TRAPPC9: variants seen among roughly 807,000 people sequenced by gnomAD.
TRAPPC9 encodes IKK2 binding protein.
A neutral mutation model predicts 124.0 loss-of-function variants in TRAPPC9; 83 were observed. That is an observed-to-expected ratio of 0.67 (90% CI 0.56 to 0.80). The LOEUF (loss-of-function observed/expected upper bound fraction) is 0.80, where lower values mean the gene tolerates loss of function less well. Ranked by LOEUF, TRAPPC9 falls within the 30% of genes least tolerant of loss-of-function variation. The probability of loss-of-function intolerance (pLI) is 0.00; values close to 1 mark genes in which losing one functional copy is unlikely to be tolerated. For missense variants in TRAPPC9, 1,302 were observed against 1,508.3 expected (o/e 0.86, Z 2.27); for synonymous variants, 638 against 617.5 (o/e 1.03, Z -0.49).
chr8:139,991,763 T>C (rs1266996164), intron 18 of TRAPPC9, among the ~76,000 whole-genome samples: 1 of 152,120 alleles, frequency 6.6e-6, no homozygotes, highest in Non-Finnish European at 1.5e-5. Flanking sequence ...TTTGGGAATC[T>C]GTAGTCAGGT....
chr8:139,930,269 T>C (rs76351584), intron 19 of TRAPPC9, among the ~76,000 whole-genome samples: 335 of 152,258 alleles, frequency 2.2e-3, no homozygotes, highest in African/African-American at 7.8e-3. Context: ...GGAAGGCTTA[T>C]AGTGTGGGGC....
intron 17 of TRAPPC9, among the ~76,000 whole-genome samples, chr8:140,165,638 G>T (rs369366020): frequency 1.4e-5 from 2 of 139,134 alleles, no homozygotes; most frequent in African/African-American, 5.5e-5. Flanking sequence ...CAAAGGGGAG[G>T]GGGGGATGCG....
intron 11 of TRAPPC9, among the ~76,000 whole-genome samples, chr8:140,294,660 T>G (rs1332299736): frequency 6.6e-6 from 1 of 151,812 alleles, no homozygotes; most frequent in Non-Finnish European, 1.5e-5. Flanking sequence ...CAGGTTGGAG[T>G]GCAGTGGTGT....
intron 17 of TRAPPC9, among the ~76,000 whole-genome samples, chr8:140,049,583 C>T (rs1310802153): frequency 6.6e-6 from 1 of 151,770 alleles, no homozygotes. Flanking sequence ...CCCTGGCAAC[C>T]AGGGAAGTGA....
intron 9 of TRAPPC9, among the ~76,000 whole-genome samples, chr8:140,359,383 G>C (rs1272983665): frequency 6.6e-6 from 1 of 152,174 alleles, no homozygotes; most frequent in Admixed American, 6.5e-5. Flanking sequence ...AGGGAAACAG[G>C]TCATGACTAA....
chr8:139,841,794 A>C (rs551377138), intron 21 of TRAPPC9, among the ~76,000 whole-genome samples: 1 of 152,336 alleles, frequency 6.6e-6, no homozygotes, highest in East Asian at 1.9e-4. Context: ...AGCCCCCTAA[A>C]GCACCCCAAG....
chr8:140,085,769 G>A (rs1049633287), intron 17 of TRAPPC9, among the ~76,000 whole-genome samples: 1 of 152,250 alleles, frequency 6.6e-6, no homozygotes, highest in African/African-American at 2.4e-5. Flanking sequence ...TCTGCTGTGG[G>A]TAATCGTGTC....
chr8:140,077,502 A>G (rs1043312478), intron 17 of TRAPPC9, among the ~76,000 whole-genome samples: 3 of 152,088 alleles, frequency 2.0e-5, no homozygotes, highest in Non-Finnish European at 4.4e-5. Context: ...AGCTGACCCC[A>G]GAGATCCCAG....
At chr8:140,148,255 T>C (rs2061491710) in intron 17 of TRAPPC9, among the ~76,000 whole-genome samples, 1 of 152,254 alleles carries the variant, frequency 6.6e-6, no homozygotes, top group Non-Finnish European at 1.5e-5. Context: ...AAAATGATGC[T>C]CTCGGTCGTT....
upstream of TRAPPC9, chr8:140,458,423 C>T (rs773739324): frequency 6.3e-7 from 1 of 1,587,174 alleles, no homozygotes; most frequent in South Asian, 1.1e-5. Context: ...TCGTGCCCCC[C>T]ACGTGGGTGG....
chr8:139,849,336 G>A (rs993400069), intron 21 of TRAPPC9, among the ~76,000 whole-genome samples: 5 of 152,128 alleles, frequency 3.3e-5, no homozygotes, highest in African/African-American at 4.8e-5. Context: ...TTGCCACTGG[G>A]GCTGTCCCTG....
At chr8:139,973,059 C>T (rs1412793084) in intron 19 of TRAPPC9, among the ~76,000 whole-genome samples, 2 of 152,182 alleles carry the variant, frequency 1.3e-5, no homozygotes, top group African/African-American at 4.8e-5. Context: ...ACAACTAGAG[C>T]GCAGGTGGAA....
At chr8:139,835,719 C>G (rs1432411541) in intron 21 of TRAPPC9, among the ~76,000 whole-genome samples, 1 of 151,968 alleles carries the variant, frequency 6.6e-6, no homozygotes, top group Non-Finnish European at 1.5e-5. Flanking sequence ...TGAAGAGACT[C>G]CAGGCCTCAC....
intron 18 of TRAPPC9, among the ~76,000 whole-genome samples, chr8:140,013,360 C>T (rs1477945956): frequency 6.6e-6 from 1 of 152,220 alleles, no homozygotes; most frequent in Non-Finnish European, 1.5e-5. Flanking sequence ...GGAAACTGTA[C>T]TCCCCAGTCG....
rs576787711 is a variant in TRAPPC9, at chr8:139,786,427, G to A, written c.3056-54225C>T. ...ACCACATCAAGTGCGGTGGGGAGGC[G>A]GAGGAACTGGAACTCTCGTGCACTG... is the stretch of plus-strand genomic sequence containing the variant. On this transcript the variant is annotated intron_variant, in intron 21 of 22. Coordinates refer to ENST00000438773, the MANE Select transcript of TRAPPC9 (RefSeq NM_001160372.4). Among the ~76,000 whole-genome samples the A allele has an allele frequency of 3.9e-5, 6 of 152,138 alleles. No individual in the cohort carries two copies. The East Asian group carries it at 5.8e-4, about 15-fold the overall frequency.
At chr8:140,111,672 T>C (rs1341307637) in intron 17 of TRAPPC9, among the ~76,000 whole-genome samples, 1 of 152,210 alleles carries the variant, frequency 6.6e-6, no homozygotes, top group Non-Finnish European at 1.5e-5. Flanking sequence ...TCCCAATGTG[T>C]GTATGAGGAC....
At chr8:140,038,105 T>C (rs1175800145) in intron 17 of TRAPPC9, among the ~76,000 whole-genome samples, 1 of 151,430 alleles carries the variant, frequency 6.6e-6, no homozygotes, top group African/African-American at 2.4e-5. Context: ...GGCCTCTGTG[T>C]CATCAGACAT....
At chr8:139,793,492 T>C (rs1265460302) in intron 21 of TRAPPC9, among the ~76,000 whole-genome samples, 2 of 152,114 alleles carry the variant, frequency 1.3e-5, no homozygotes, top group East Asian at 3.9e-4. Flanking sequence ...GCCTGGCCCC[T>C]GGGAGCCCAC....
At chr8:140,291,305 C>T in intron 11 of TRAPPC9, 1 of 597,400 alleles carries the variant, frequency 1.7e-6, no homozygotes, top group East Asian at 3.0e-5. Context: ...GCGCTTGTCA[C>T]TGCCTTCGGC....
Sources: gnomAD v4.1 joint callset for allele counts (sites outside exome capture counted in the v4.1 genomes callset) on GRCh38, gnomAD v4.1.1 for gene constraint, MANE v1.5 for transcripts, NCBI Gene and HGNC (gene_info 2026-07-23, HGNC 2026-07-21) for gene names.